Variants in MACROD2 observed in about 807,000 individuals in gnomAD.
MACROD2 encodes the protein mono-ADP ribosylhydrolase 2, also known as ADP-ribose glycohydrolase MACROD2.
A neutral mutation model predicts 70.4 loss-of-function variants in MACROD2; 36 were observed. The ratio of observed to expected loss-of-function variants is 0.51; its 90% CI spans 0.39 to 0.68. MACROD2 has a LOEUF of 0.68. MACROD2 is among the 30% of genes least tolerant of loss of function. MACROD2 has a pLI of 0.00. For synonymous variants in MACROD2, 172 were observed against 178.8 expected (o/e 0.96, Z 0.30); for missense variants, 496 against 538.4 (o/e 0.92, Z 0.78).
At chr20:14,834,735 A>G (rs2073009868) in intron 5 of MACROD2, among the ~76,000 whole-genome samples, 2 of 152,042 alleles carry the variant, frequency 1.3e-5, no homozygotes, top group South Asian at 4.1e-4. Flanking sequence ...AAGTTGTATT[A>G]GCCATTGTTA....
At chr20:14,520,386 T>C (rs1018508437) in intron 4 of MACROD2, among the ~76,000 whole-genome samples, 1 of 152,178 alleles carries the variant, frequency 6.6e-6, no homozygotes, top group Non-Finnish European at 1.5e-5. Context: ...CTGAATTCTT[T>C]ACTCTGATTT....
chr20:14,633,946 T>C (rs570628521), intron 4 of MACROD2, among the ~76,000 whole-genome samples: 1 of 152,216 alleles, frequency 6.6e-6, no homozygotes, highest in Admixed American at 6.5e-5. Flanking sequence ...CATAGACATA[T>C]TGTTTGGCTC....
At chr20:14,751,188 T>G (rs974234635) in intron 5 of MACROD2, among the ~76,000 whole-genome samples, 14 of 152,164 alleles carry the variant, frequency 9.2e-5, no homozygotes, top group Non-Finnish European at 1.8e-4. Flanking sequence ...TTGGGCTTCC[T>G]TACTGGCCTC....
intron 8 of MACROD2, among the ~76,000 whole-genome samples, chr20:15,505,781 T>A (rs1425405164): frequency 6.6e-6 from 1 of 152,182 alleles, no homozygotes; most frequent in Non-Finnish European, 1.5e-5. Flanking sequence ...CAGCTCTGCA[T>A]TTTCAAAACC....
At chr20:15,837,373 A>G (rs1209946749) in intron 8 of MACROD2, among the ~76,000 whole-genome samples, 15 of 152,086 alleles carry the variant, frequency 9.9e-5, no homozygotes, top group Admixed American at 9.8e-4. Flanking sequence ...TCCGTGTGGG[A>G]ATGAACTGGT....
intron 3 of MACROD2, among the ~76,000 whole-genome samples, chr20:14,141,405 T>C (rs2054871038): frequency 6.6e-6 from 1 of 152,168 alleles, no homozygotes; most frequent in Non-Finnish European, 1.5e-5. Flanking sequence ...CATTTGCCTT[T>C]CTTCATCTAT....
At chr20:15,876,563 G>A (rs190967652) in intron 9 of MACROD2, among the ~76,000 whole-genome samples, 133 of 152,092 alleles carry the variant, frequency 8.7e-4, no homozygotes, top group Admixed American at 1.2e-3. Flanking sequence ...GAGTAGTGCC[G>A]CAATAAACAT....
chr20:15,424,547 G>A (rs904093539), intron 6 of MACROD2, among the ~76,000 whole-genome samples: 1 of 152,018 alleles, frequency 6.6e-6, no homozygotes, highest in African/African-American at 2.4e-5. Context: ...GTGAGACCTC[G>A]TCTCTACAAA....
chr20:14,788,862 G>C lies in MACROD2; in HGVS notation c.418+103903G>C, dbSNP rs532801964. On this transcript the variant is annotated intron_variant, in intron 5 of 17. Transcript: ENST00000684519. ...CGGCTTACTGCAATCTCCGCTTCCT[G>C]GGTTGAAGCAATTCCCCTGCCTCAG... is the stretch of plus-strand genomic sequence containing the variant. 7.7e-5 allele frequency among the ~76,000 whole-genome samples: 11 copies of C among 143,296 alleles called. No individual in the cohort carries two copies. In the East Asian group the frequency reaches 1.7e-3, roughly 22 times the overall value. The allele number at this position is 143,296 out of a possible 152,430, so 94.0% of individuals were successfully genotyped here.
intron 5 of MACROD2, among the ~76,000 whole-genome samples, chr20:15,056,633 TAAAA>T (rs578014406): frequency 6.7e-6 from 1 of 149,312 alleles, no homozygotes; most frequent in Non-Finnish European, 1.5e-5. Context: ...TTTAGCTGTT[TAAAA>T]AAAAAAAGTT....
chr20:14,477,960 C>T lies in MACROD2; in HGVS notation c.272-15519C>T, dbSNP rs374743380. 2.6e-4 allele frequency among the ~76,000 whole-genome samples: 39 copies of T among 152,188 alleles called. No individual in the cohort carries two copies. The South Asian group carries it at 6.0e-3, about 23-fold the overall frequency. The stretch of plus-strand genomic sequence containing the variant: ...CACTCCATTTAGTTTAAATGCCTCC[C>T]GATTAGGCCTTGCTTTTTCCTGCTA... On this transcript the variant is annotated intron_variant, in intron 3 of 17. Coordinates refer to ENST00000684519, the MANE Select transcript of MACROD2 (RefSeq NM_001351661.2).
At chr20:15,781,242 G>A (rs139969339) in intron 8 of MACROD2, among the ~76,000 whole-genome samples, 2 of 152,106 alleles carry the variant, frequency 1.3e-5, no homozygotes, top group East Asian at 1.9e-4. Flanking sequence ...GGAAAAGCAA[G>A]CATTTACCTT....
chr20:15,079,320 T>C (rs956171968), intron 5 of MACROD2, among the ~76,000 whole-genome samples: 3 of 152,062 alleles, frequency 2.0e-5, no homozygotes, highest in African/African-American at 7.2e-5. Context: ...GGCTGGTCCA[T>C]CCATCACCTA....
intron 8 of MACROD2, among the ~76,000 whole-genome samples, chr20:15,641,606 G>A (rs1424615889): frequency 2.0e-5 from 3 of 152,054 alleles, no homozygotes; most frequent in African/African-American, 7.2e-5. Flanking sequence ...TAAAAACAGG[G>A]GCAGCGTGCA....
chr20:14,370,870 G>A (rs1394772716), intron 3 of MACROD2, among the ~76,000 whole-genome samples: 1 of 152,120 alleles, frequency 6.6e-6, no homozygotes, highest in South Asian at 2.1e-4. Flanking sequence ...CTAAGTGGTA[G>A]CACATTAAAA....
At chr20:15,465,680 C>G (rs1003493144) in intron 7 of MACROD2, among the ~76,000 whole-genome samples, 1 of 152,180 alleles carries the variant, frequency 6.6e-6, no homozygotes, top group African/African-American at 2.4e-5. Context: ...CCCTGCAGGT[C>G]GGGAGGAAGG....
chr20:15,155,112 G>A (rs1601151513), intron 5 of MACROD2, among the ~76,000 whole-genome samples: 1 of 103,354 alleles, frequency 9.7e-6, no homozygotes, highest in South Asian at 4.3e-4. Flanking sequence ...TTAGGTTACT[G>A]GGGGTTATAT....
At chr20:14,871,259 G>A (rs184102791) in intron 5 of MACROD2, among the ~76,000 whole-genome samples, 2 of 152,222 alleles carry the variant, frequency 1.3e-5, no homozygotes, top group East Asian at 3.9e-4. Flanking sequence ...GTTAAAGGCA[G>A]CTAAAGAGAA....
chr20:15,143,302 A>C (rs1345358761), intron 5 of MACROD2, among the ~76,000 whole-genome samples: 1 of 152,210 alleles, frequency 6.6e-6, no homozygotes, highest in Non-Finnish European at 1.5e-5. Context: ...GGCTGCATAA[A>C]TGTCTTCTTT....
Sources: gnomAD v4.1 joint callset for allele counts (sites outside exome capture counted in the v4.1 genomes callset) on GRCh38, gnomAD v4.1.1 for gene constraint, MANE v1.5 for transcripts, NCBI Gene and HGNC (gene_info 2026-07-23, HGNC 2026-07-21) for gene names.